Variants in AGBL1 observed in about 807,000 individuals in gnomAD.
AGBL1 encodes cytosolic carboxypeptidase 4.
AGBL1 carries 130 observed loss-of-function variants against 118.9 expected under a neutral mutation model. That is an observed-to-expected ratio of 1.09 (90% CI 0.95 to 1.26). AGBL1 has a LOEUF of 1.26. Ranked by LOEUF, AGBL1 falls within the 50% of genes most tolerant of loss-of-function variation. AGBL1 has a pLI of 0.00. For synonymous variants in AGBL1, 555 were observed against 478.9 expected, an observed-to-expected ratio of 1.16 and a Z score of -2.08; for missense variants, 1,584 against 1,298.1, an observed-to-expected ratio of 1.22 and a Z score of -3.38.
intron 21 of AGBL1, among the ~76,000 whole-genome samples, chr15:86,582,581 A>G (rs1430003413): frequency 6.6e-6 from 1 of 152,114 alleles, no homozygotes; most frequent in Non-Finnish European, 1.5e-5. Context: ...TTGAGGCACT[A>G]TTCACAATAG....
At chr15:86,816,089 G>A (rs748153994) in intron 22 of AGBL1, among the ~76,000 whole-genome samples, 7 of 152,144 alleles carry the variant, frequency 4.6e-5, no homozygotes, top group Non-Finnish European at 7.3e-5. Context: ...TGGATAAGAC[G>A]TGTCAGTTAA....
intron 5 of AGBL1, among the ~76,000 whole-genome samples, chr15:86,209,912 A>C (rs1299882321): frequency 2.6e-5 from 4 of 152,080 alleles, no homozygotes; most frequent in African/African-American, 9.7e-5. Context: ...CCTAGCATTG[A>C]TGGTCTTTAC....
chr15:86,256,115 T>C (rs2078891144), intron 7 of AGBL1, among the ~76,000 whole-genome samples: 1 of 152,236 alleles, frequency 6.6e-6, no homozygotes, highest in Non-Finnish European at 1.5e-5. Flanking sequence ...TGGTTGTGTT[T>C]TTGCCAAAGA....
intron 6 of AGBL1, among the ~76,000 whole-genome samples, chr15:86,245,978 T>G (rs868253047): frequency 6.6e-6 from 1 of 152,192 alleles, no homozygotes; most frequent in African/African-American, 2.4e-5. Flanking sequence ...CTCGAACTCC[T>G]GGGCTCAAGT....
chr15:86,523,364 A>G (rs1263873246), intron 19 of AGBL1, among the ~76,000 whole-genome samples: 3 of 152,168 alleles, frequency 2.0e-5, no homozygotes. Context: ...CTCTTCTAAT[A>G]AGGACATTAG....
Position 86,534,134 on chromosome 15 carries a change from AG to A in AGBL1, c.2685+11196del, listed in dbSNP as rs369583236. On this transcript the variant is annotated intron_variant, in intron 19 of 22. Coordinates refer to ENST00000614907, the MANE Select transcript of AGBL1 (RefSeq NM_001386094.1). ...TAATAAAAAAAAAAAAAAAAAAAAAAGATTGTCCTTTTCTTTGAGGAACCCA... is the reference window on the plus strand; with the variant it reads ...TAATAAAAAAAAAAAAAAAAAAAAAAATTGTCCTTTTCTTTGAGGAACCCA... Among the ~76,000 whole-genome samples, 8 of 149,358 alleles carry A rather than the reference AG, an allele frequency of 5.4e-5. No homozygotes were observed. In the East Asian group the frequency reaches 1.6e-3, roughly 29 times the overall value.
intron 5 of AGBL1, among the ~76,000 whole-genome samples, chr15:86,219,532 G>T (rs1448521206): frequency 8.6e-5 from 13 of 151,966 alleles, no homozygotes; most frequent in South Asian, 6.2e-4. Context: ...AAAAGTGGCT[G>T]CTCCAAGCTT....
chr15:86,263,301 G>C (rs1274655292), intron 10 of AGBL1, among the ~76,000 whole-genome samples: 1 of 152,154 alleles, frequency 6.6e-6, no homozygotes, highest in African/African-American at 2.4e-5. Context: ...TTAACATGCT[G>C]TACAGGTTTG....
At chr15:86,340,395 A>G (rs1339319289) in intron 17 of AGBL1, among the ~76,000 whole-genome samples, 1 of 152,094 alleles carries the variant, frequency 6.6e-6, no homozygotes, top group Non-Finnish European at 1.5e-5. Flanking sequence ...AGATGAAGTC[A>G]TCCTAGGTTT....
At chr15:86,410,744 A>G (rs2142008696) in intron 18 of AGBL1, among the ~76,000 whole-genome samples, 1 of 138,822 alleles carries the variant, frequency 7.2e-6, no homozygotes, top group East Asian at 2.2e-4. Context: ...GAGATCCAGG[A>G]TAAGCCATGG....
intron 18 of AGBL1, among the ~76,000 whole-genome samples, chr15:86,475,831 C>T (rs148496797): frequency 0.041 from 6,222 of 152,238 alleles, 184 homozygotes; most frequent in East Asian, 0.085. Context: ...AAAGAAAGGT[C>T]GGGTTACCCA....
intron 17 of AGBL1, among the ~76,000 whole-genome samples, chr15:86,311,098 G>A (rs1483221054): frequency 6.6e-6 from 1 of 152,162 alleles, no homozygotes; most frequent in Non-Finnish European, 1.5e-5. Context: ...ACCTTCAGGG[G>A]GAGAGACAGG....
At chr15:86,560,301 C>T (rs1211317692) in intron 21 of AGBL1, among the ~76,000 whole-genome samples, 7 of 150,192 alleles carry the variant, frequency 4.7e-5, no homozygotes, top group Admixed American at 1.3e-4. Context: ...TCCCCACCCC[C>T]GCAACAGTCC....
intron 18 of AGBL1, among the ~76,000 whole-genome samples, chr15:86,473,275 A>G (rs927999153): frequency 6.6e-6 from 1 of 152,186 alleles, no homozygotes; most frequent in Non-Finnish European, 1.5e-5. Context: ...ATGTGATAGG[A>G]AGAGTGAGGC....
intron 23 of AGBL1, among the ~76,000 whole-genome samples, chr15:86,941,232 T>C (rs1010753447): frequency 1.3e-5 from 2 of 152,238 alleles, no homozygotes; most frequent in Admixed American, 6.5e-5. Flanking sequence ...CTGAGACTCT[T>C]TTCCTCCACA....
chr15:86,699,922 C>T (rs1220966610), intron 22 of AGBL1, among the ~76,000 whole-genome samples: 1 of 152,002 alleles, frequency 6.6e-6, no homozygotes. Context: ...ACTGATGATT[C>T]TTTTTCGTCT....
chr15:86,108,037 G>A (rs769714405), intron 1 of AGBL1, among the ~76,000 whole-genome samples: 7 of 152,206 alleles, frequency 4.6e-5, no homozygotes, highest in Non-Finnish European at 2.9e-5. Context: ...TGTGAGGAGA[G>A]CCTCATGCTA....
At chr15:86,449,091 T>C (rs2082161942) in intron 18 of AGBL1, among the ~76,000 whole-genome samples, 1 of 151,476 alleles carries the variant, frequency 6.6e-6, no homozygotes, top group East Asian at 1.9e-4. Context: ...CGAGAAAATA[T>C]GAGGATCAAT....
At chr15:86,441,847 C>T (rs1383999757) in intron 18 of AGBL1, among the ~76,000 whole-genome samples, 1 of 152,236 alleles carries the variant, frequency 6.6e-6, no homozygotes, top group African/African-American at 2.4e-5. Flanking sequence ...GCTAGCCCAG[C>T]AGCCTGGTGT....
Sources: gnomAD v4.1 joint callset for allele counts (sites outside exome capture counted in the v4.1 genomes callset) on GRCh38, gnomAD v4.1.1 for gene constraint, MANE v1.5 for transcripts, NCBI Gene and HGNC (gene_info 2026-07-23, HGNC 2026-07-21) for gene names.